Variants in PCSK7 observed in about 807,000 individuals in gnomAD.
PCSK7 encodes the protein proprotein convertase subtilisin/kexin type 7, also known as lymphoma proprotein convertase.
Under a neutral mutation model 73.3 loss-of-function variants are expected in PCSK7, and 38 were observed. The observed-to-expected ratio is 0.52, with a 90% confidence interval of 0.40 to 0.68. PCSK7 has a LOEUF of 0.68. Ranked by LOEUF, PCSK7 falls within the 30% of genes least tolerant of loss-of-function variation. PCSK7 has a pLI of 0.00. For synonymous variants in PCSK7, 296 were observed against 383.8 expected (o/e 0.77, Z 2.68); for missense variants, 692 against 991.5 (o/e 0.70, Z 4.06).
chr11:117,229,580 T>TG lies in PCSK7; in HGVS notation c.264dup (p.Ile89HisfsTer37), dbSNP rs2032562692. On this transcript the variant is annotated frameshift_variant, in exon 3 of 17. Transcript: ENST00000320934. LOFTEE classifies it high-confidence loss of function. Reference sequence around the variant, plus strand: ...AGGTAGTGCCCCTGAAGCTCTCCGATGCGTCCAGCATTCACCAGCCCTGCT... The same window carrying TG: ...AGGTAGTGCCCCTGAAGCTCTCCGATGGCGTCCAGCATTCACCAGCCCTGCT... The TG allele has an allele frequency of 1.9e-6, 3 of 1,613,962 alleles. No individual in the cohort carries two copies. In the South Asian group the frequency reaches 3.3e-5, roughly 18 times the overall value.
rs1405218056 is a variant in PCSK7 at position 117,225,971 on chromosome 11, A to G, written c.820T>C (p.Phe274Leu). The change falls in exon 6 of 17, where the codon TTC becomes CTC. Residue 274 changes from phenylalanine to leucine, a missense_variant. Physicochemically the swap from Phe to Leu is conservative, Grantham distance 22 (BLOSUM62 0). Coordinates refer to ENST00000320934, the MANE Select transcript of PCSK7 (RefSeq NM_004716.4). ...TCATTGATCTGATAGTGCTTGTTGA[A>G]CGCCACTGCCTCCATGCTGTCTGTG... ...PLTDSMEAVAFNKHYQINDIY... is the reference protein window; with the variant it reads ...PLTDSMEAVALNKHYQINDIY... The G allele has an allele frequency of 3.1e-6, 5 of 1,612,534 alleles. No individual in the cohort carries two copies. Among genetic ancestry groups the G allele is most frequent in the East Asian group, 2.2e-5 (1 of 44,872 alleles).
chr11:117,205,851 A>G lies in PCSK7; in HGVS notation c.*146T>C, dbSNP rs1400354746. On this transcript the variant is annotated 3_prime_UTR_variant, in exon 17 of 17. Transcript: ENST00000320934. The stretch of plus-strand genomic sequence containing the variant: ...ACTTCTCTGGCAGCAATCCTCCACC[A>G]TTTGTATCTTAAGAAGGCCCTCACC... 10 of 660,266 alleles carry G rather than the reference A, an allele frequency of 1.5e-5. No homozygotes were observed. The highest frequency in any genetic ancestry group is 3.2e-5 in the Admixed American group (1 of 30,984). The allele number at this position is 660,266 out of a possible 1,614,324, so 40.9% of individuals were successfully genotyped here. A position where few individuals can be genotyped will look rare whatever the true frequency, so the allele number is the denominator to read the frequency against.
At chr11:117,229,877 T>C in intron 2 of PCSK7, 21 bp from the exon 3 acceptor site, 2 of 1,381,104 alleles carry the variant, frequency 1.4e-6, no homozygotes, top group Non-Finnish European at 1.9e-6. Flanking sequence ...AGAAAAAGGA[T>C]ATGGAAGAGA....
Position 117,204,782 on chromosome 11 carries a change from A to G in PCSK7, c.*1215T>C, listed in dbSNP as rs2031272294. ...ACTCAAAAAAAAAAAAAAAAAATCAATCTTTTCTCAGGCCTGGCTGGCAGA... is the reference window on the plus strand; with the variant it reads ...ACTCAAAAAAAAAAAAAAAAAATCAGTCTTTTCTCAGGCCTGGCTGGCAGA... On this transcript the variant is annotated 3_prime_UTR_variant, in exon 17 of 17. Coordinates refer to ENST00000320934, the MANE Select transcript of PCSK7 (RefSeq NM_004716.4). 1 of 304,440 alleles carries G rather than the reference A, an allele frequency of 3.3e-6. No homozygotes were observed. The highest frequency in any genetic ancestry group is 4.3e-5 in the Admixed American group (1 of 23,206). 18.9% of individuals were successfully genotyped at this position (304,440 alleles called of 1,614,324 possible).
At position 117,223,231 on chromosome 11, in the gene PCSK7, C is replaced by T; in HGVS notation, c.1132G>A (p.Gly378Arg). 6.2e-7 allele frequency: 1 copy of T among 1,613,050 alleles called. No homozygotes were observed. Among genetic ancestry groups the T allele is most frequent in the South Asian group, 1.1e-5 (1 of 91,042 alleles). Residue 378 changes from glycine to arginine, a missense_variant, in exon 9 of 17, where the codon GGG (glycine) becomes AGG (arginine). By Grantham distance (125) the Gly-to-Arg change is moderately radical. Coordinates refer to ENST00000320934, the MANE Select transcript of PCSK7 (RefSeq NM_004716.4). ...ASMLAVTFSG[G>R]DKMLRSIVTT... ...ACAATGCTCCGAAGCATCTTGTCCCCACCACTGAAGGTGACTGCCAGCATG... is the reference window on the plus strand; with the variant it reads ...ACAATGCTCCGAAGCATCTTGTCCCTACCACTGAAGGTGACTGCCAGCATG...
intron 1 of PCSK7, 140 bp from the exon 2 acceptor site, chr11:117,230,608 G>A (rs1202042692): frequency 6.6e-6 from 1 of 152,172 alleles, no homozygotes; most frequent in African/African-American, 2.4e-5. Flanking sequence ...TCATAGACTG[G>A]AGCAGAACTG....
intron 4 of PCSK7, among the ~76,000 whole-genome samples, chr11:117,227,945 T>G (rs547765828): frequency 1.7e-3 from 264 of 152,230 alleles, no homozygotes; most frequent in African/African-American, 5.3e-3. Flanking sequence ...AGGAAGGCAC[T>G]CGGATTTCCA....
intron 3 of PCSK7, 142 bp from the exon 4 acceptor site, chr11:117,228,492 G>C (rs2032516281): frequency 2.9e-6 from 2 of 682,216 alleles, no homozygotes; most frequent in Non-Finnish European, 5.2e-6. Flanking sequence ...GGTGGGAACA[G>C]AGTCAAGGAG....
At chr11:117,223,656 GA>G in intron 8 of PCSK7, 2 of 359,240 alleles carry the variant, frequency 5.6e-6, no homozygotes, top group South Asian at 4.2e-5. Context: ...GGGCCATATG[GA>G]AAAGGCCGCA....
Position 117,204,362 on chromosome 11 carries a change from CG to C in PCSK7, c.*1634del, listed in dbSNP as rs376495659. On this transcript the variant is annotated 3_prime_UTR_variant, in exon 17 of 17. Coordinates refer to ENST00000320934, the MANE Select transcript of PCSK7 (RefSeq NM_004716.4). ...GACCTCGGCAGATCATCAGTTAGAG[CG>C]GAGAGGGCTAGCCCTGAGCCCGGCC... 3.1e-5 allele frequency: 50 copies of C among 1,614,216 alleles called. No individual in the cohort carries two copies. The African/African-American group carries it at 6.1e-4, about 20-fold the overall frequency.
chr11:117,229,751 C>G lies in PCSK7; in HGVS notation c.94G>C (p.Val32Leu), dbSNP rs1450445056. ...CCTGCCAGGCCCATGACCCAGGGAA[C>G]CAGTAAGAAGAGCCCGGCTAATTCC... ...WLELAGLFLL[V>L]PWVMGLAGTG... Residue 32 changes from valine to leucine, a missense_variant, in exon 3 of 17, where the codon GTT (valine) becomes CTT (leucine). Transcript: ENST00000320934. 6.2e-7 allele frequency: 1 copy of G among 1,613,850 alleles called. No individual in the cohort carries two copies. Among genetic ancestry groups the G allele is most frequent in the Non-Finnish European group, 8.5e-7 (1 of 1,179,808 alleles).
rs928921186 is a variant in PCSK7, at chr11:117,225,954, C to A, written c.837G>T (p.Gln279His). ...MEAVAFNKHY[Q>H]INDIYSCSWG... The stretch of plus-strand genomic sequence containing the variant: ...ACCTGCAGCTGTAGATGTCATTGAT[C>A]TGATAGTGCTTGTTGAACGCCACTG... Residue 279 changes from glutamine (Q) to histidine (H), a missense_variant, in exon 6 of 17, where the codon CAG becomes CAT. Physicochemically the swap from Gln to His is conservative, Grantham distance 24. Coordinates refer to ENST00000320934, the MANE Select transcript of PCSK7 (RefSeq NM_004716.4). 49 of 1,609,654 alleles carry A rather than the reference C, an allele frequency of 3.0e-5. No individual in the cohort carries two copies. The highest frequency in any genetic ancestry group is 4.2e-5 in the Non-Finnish European group (49 of 1,175,952).
chr11:117,220,809 C>T (rs531551101), intron 9 of PCSK7: 5 of 152,424 alleles, frequency 3.3e-5, no homozygotes, highest in East Asian at 1.9e-4. Flanking sequence ...TGCCCACCCC[C>T]GAGCCCTGCA....
At chr11:117,228,075 AAAG>A (rs1346345184) in intron 4 of PCSK7, 138 bp downstream of exon 4, 20 of 733,524 alleles carry the variant, frequency 2.7e-5, no homozygotes, top group Middle Eastern at 7.8e-4. Context: ...TAGCTAGGGA[AAAG>A]AAGAGGATGA....
intron 6 of PCSK7, chr11:117,225,616 T>A (rs1254598815): frequency 5.3e-6 from 2 of 374,784 alleles, no homozygotes; most frequent in Admixed American, 7.4e-5. Context: ...GGGGGATTGG[T>A]GTTGGGCATT....
In PCSK7 at chr11:117,223,148, T is replaced by A. The variant is rs2032270696; in HGVS notation, c.1155+60A>T. On this transcript the variant is annotated intron_variant, in intron 9 of 16. Transcript: ENST00000320934. ...GGGAACAGTGAGAAGCGCTGTGATG[T>A]CTGAGACGTGAAGTCTTGTGGGAAA... The A allele has an allele frequency of 4.1e-6, 4 of 967,774 alleles. No homozygotes were observed. The Admixed American group carries it at 5.1e-5, about 12-fold the overall frequency. 59.9% of individuals were successfully genotyped at this position (967,774 alleles called of 1,614,324 possible). A position where few individuals can be genotyped will look rare whatever the true frequency, so the allele number is the denominator to read the frequency against.
chr11:117,218,353 G>A lies in PCSK7; in HGVS notation c.1534+113C>T, dbSNP rs2032066649. The A allele has an allele frequency of 6.9e-6, 4 of 579,874 alleles. No homozygotes were observed. In the South Asian group the frequency reaches 1.0e-4, roughly 15 times the overall value. 35.9% of individuals were successfully genotyped at this position (579,874 alleles called of 1,614,324 possible). On this transcript the variant is annotated intron_variant, in intron 12 of 16. Coordinates refer to ENST00000320934, the MANE Select transcript of PCSK7 (RefSeq NM_004716.4). The surrounding 1 kb of genome is among the most constrained non-coding windows in gnomAD (Gnocchi z 4.0). ...AAAGAAAACTCCACAGGTTTGGCTG[G>A]AGCTCAGCTCCGAAAGGGGGTAGAA...
intron 9 of PCSK7, 86 bp downstream of exon 9, chr11:117,223,121 CA>C: frequency 2.4e-6 from 2 of 828,264 alleles, no homozygotes; most frequent in East Asian, 2.4e-5. Flanking sequence ...GGCGGGGAAG[CA>C]GGGAACAGTG....
chr11:117,220,176 T>C (rs2032136276), intron 9 of PCSK7: 1 of 153,752 alleles, frequency 6.5e-6, no homozygotes, highest in Admixed American at 6.5e-5. Context: ...AAAGTTACTT[T>C]TGAGGGTGTG....
Sources: gnomAD v4.1 joint callset for allele counts (sites outside exome capture counted in the v4.1 genomes callset) on GRCh38, gnomAD v4.1.1 for gene constraint, Gnocchi (gnomAD v3.1) non-coding constraint, MANE v1.5 for transcripts, NCBI Gene and HGNC (gene_info 2026-07-23, HGNC 2026-07-21) for gene names.